Variants in HCN1 observed in about 807,000 individuals in gnomAD.
HCN1 encodes the protein hyperpolarization activated cyclic nucleotide gated potassium channel 1.
Under a neutral mutation model 78.9 loss-of-function variants are expected in HCN1, and 13 were observed. The ratio of observed to expected loss-of-function variants is 0.16; its 90% CI spans 0.11 to 0.26. HCN1 has a LOEUF of 0.26. Among genes scored for constraint, HCN1 ranks in the 10% least tolerant of loss-of-function variants. HCN1 has a pLI of 1.00. For synonymous variants in HCN1, 552 were observed against 455.5 expected (o/e 1.21, Z -2.70); for missense variants, 810 against 1,154.3 (o/e 0.70, Z 4.32).
At chr5:45,588,688 G>A (rs1340060106) in intron 2 of HCN1, among the ~76,000 whole-genome samples, 1 of 152,112 alleles carries the variant, frequency 6.6e-6, no homozygotes, top group African/African-American at 2.4e-5. Context: ...CCCTCCAGGA[G>A]GACTTCACCG....
intron 2 of HCN1, among the ~76,000 whole-genome samples, chr5:45,497,667 C>G (rs1742074865): frequency 6.6e-6 from 1 of 152,116 alleles, no homozygotes; most frequent in African/African-American, 2.4e-5. Context: ...ATTCGCCAGT[C>G]TGTGTCTTTT....
chr5:45,646,998 G>T (rs1426768572), intron 1 of HCN1, among the ~76,000 whole-genome samples: 1 of 152,128 alleles, frequency 6.6e-6, no homozygotes, highest in Admixed American at 6.6e-5. Flanking sequence ...AGGTATACAT[G>T]TGTATAAAGC....
At chr5:45,288,223 C>T (rs1048684770) in intron 6 of HCN1, among the ~76,000 whole-genome samples, 3 of 152,024 alleles carry the variant, frequency 2.0e-5, no homozygotes, top group African/African-American at 4.8e-5. Flanking sequence ...TATTTTTTAA[C>T]CACCGGAGCA....
intron 1 of HCN1, among the ~76,000 whole-genome samples, chr5:45,669,058 G>T (rs1367008307): frequency 1.3e-5 from 2 of 151,786 alleles, no homozygotes; most frequent in African/African-American, 4.8e-5. Context: ...CCTGTTCTAG[G>T]TCTCTATCTC....
intron 1 of HCN1, among the ~76,000 whole-genome samples, chr5:45,687,771 T>C (rs1739836791): frequency 6.6e-6 from 1 of 152,136 alleles, no homozygotes; most frequent in Non-Finnish European, 1.5e-5. Context: ...ACCAAAAATA[T>C]AATCACAGCC....
At chr5:45,675,927 G>T (rs1480997187) in intron 1 of HCN1, among the ~76,000 whole-genome samples, 1 of 151,732 alleles carries the variant, frequency 6.6e-6, no homozygotes, top group African/African-American at 2.4e-5. Flanking sequence ...GTAAGAAAAG[G>T]TTGGTGAGCA....
chr5:45,565,626 C>G (rs1743693380), intron 2 of HCN1, among the ~76,000 whole-genome samples: 1 of 151,826 alleles, frequency 6.6e-6, no homozygotes, highest in Non-Finnish European at 1.5e-5. Context: ...AGTTTGAGAC[C>G]AGCCTGGGCA....
chr5:45,301,152 C>T (rs1398863771), intron 6 of HCN1, among the ~76,000 whole-genome samples: 2 of 151,768 alleles, frequency 1.3e-5, no homozygotes, highest in Admixed American at 6.6e-5. Flanking sequence ...AAATGAGGAA[C>T]ATTTCTTAAA....
intron 2 of HCN1, among the ~76,000 whole-genome samples, chr5:45,503,138 C>A (rs1268339219): frequency 6.6e-6 from 1 of 152,190 alleles, no homozygotes; most frequent in Non-Finnish European, 1.5e-5. Flanking sequence ...CAGAATATCA[C>A]TGTTTTGCAA....
intron 4 of HCN1, among the ~76,000 whole-genome samples, chr5:45,355,265 T>C (rs1206957711): frequency 6.6e-6 from 1 of 152,064 alleles, no homozygotes; most frequent in African/African-American, 2.4e-5. Context: ...TAAGCATTCA[T>C]TGACTCATAG....
At chr5:45,672,937 A>T (rs966927677) in intron 1 of HCN1, among the ~76,000 whole-genome samples, 12 of 151,594 alleles carry the variant, frequency 7.9e-5, no homozygotes, top group African/African-American at 2.9e-4. Flanking sequence ...AATAATGAAC[A>T]AATGTTTATA....
At chr5:45,595,302 C>A (rs1428184488) in intron 2 of HCN1, among the ~76,000 whole-genome samples, 2 of 152,116 alleles carry the variant, frequency 1.3e-5, no homozygotes, top group Non-Finnish European at 2.9e-5. Flanking sequence ...TGAAGACAAT[C>A]AAAATATATG....
At chr5:45,360,412 A>T (rs546476000) in intron 4 of HCN1, among the ~76,000 whole-genome samples, 1 of 152,138 alleles carries the variant, frequency 6.6e-6, no homozygotes, top group South Asian at 2.1e-4. Context: ...ATTTTTACCA[A>T]GAAAAATTCT....
At chr5:45,607,920 C>T (rs1300870153) in intron 2 of HCN1, among the ~76,000 whole-genome samples, 1 of 151,626 alleles carries the variant, frequency 6.6e-6, no homozygotes, top group Admixed American at 6.6e-5. Flanking sequence ...TAATACTGGT[C>T]ATAAAGAAAC....
intron 5 of HCN1, among the ~76,000 whole-genome samples, chr5:45,326,224 C>T (rs1343612173): frequency 2.6e-5 from 4 of 151,480 alleles, no homozygotes; most frequent in Admixed American, 6.6e-5. Context: ...TACTACATAC[C>T]CACATAAATT....
At chr5:45,444,009 G>T (rs1740735022) in intron 3 of HCN1, among the ~76,000 whole-genome samples, 1 of 152,112 alleles carries the variant, frequency 6.6e-6, no homozygotes, top group African/African-American at 2.4e-5. Flanking sequence ...GTACTACACA[G>T]AGAAATGTGT....
At chr5:45,617,067 A>C (rs1486366964) in intron 2 of HCN1, among the ~76,000 whole-genome samples, 1 of 152,124 alleles carries the variant, frequency 6.6e-6, no homozygotes, top group Non-Finnish European at 1.5e-5. Context: ...GCAAGCCCTA[A>C]ATCAAATTTT....
chr5:45,302,906 C>T (rs762171612), intron 6 of HCN1, among the ~76,000 whole-genome samples: 5 of 151,950 alleles, frequency 3.3e-5, no homozygotes, highest in Non-Finnish European at 5.9e-5. Flanking sequence ...TGCCTTCTGC[C>T]ATGATTCTGA....
chr5:45,687,157 T>A (rs1444244798), intron 1 of HCN1, among the ~76,000 whole-genome samples: 1 of 152,204 alleles, frequency 6.6e-6, no homozygotes, highest in Non-Finnish European at 1.5e-5. Context: ...TGTAACTTTT[T>A]CTTTGAAAAG....
Sources: gnomAD v4.1 joint callset for allele counts (sites outside exome capture counted in the v4.1 genomes callset) on GRCh38, gnomAD v4.1.1 for gene constraint, MANE v1.5 for transcripts, NCBI Gene and HGNC (gene_info 2026-07-23, HGNC 2026-07-21) for gene names.